The following BANK1 variants were observed in gnomAD, a reference collection of about 807,000 sequenced individuals.
BANK1 encodes B-cell scaffold protein with ankyrin repeats.
A neutral mutation model predicts 94.5 loss-of-function variants in BANK1; 95 were observed. The observed-to-expected ratio is 1.00, with a 90% CI of 0.85 to 1.19. BANK1 has a LOEUF of 1.19. BANK1 is among the 50% of genes most tolerant of loss of function. BANK1 has a pLI of 0.00. For synonymous variants in BANK1, 334 were observed against 308.4 expected (o/e 1.08, Z -0.87); for missense variants, 987 against 932.2 (o/e 1.06, Z -0.77).
chr4:101,821,047 A>G (rs1726125007), intron 1 of BANK1, among the ~76,000 whole-genome samples: 1 of 152,072 alleles, frequency 6.6e-6, no homozygotes, highest in South Asian at 2.1e-4. Context: ...CAGTGGTTGA[A>G]CTAATTTACA....
At chr4:101,964,062 G>T (rs1387650517) in intron 7 of BANK1, among the ~76,000 whole-genome samples, 1 of 152,028 alleles carries the variant, frequency 6.6e-6, no homozygotes, top group Admixed American at 6.6e-5. Flanking sequence ...CTATCATTTT[G>T]TCATCTTTAT....
At chr4:101,960,059 C>G (rs894366639) in intron 7 of BANK1, among the ~76,000 whole-genome samples, 2 of 152,044 alleles carry the variant, frequency 1.3e-5, no homozygotes, top group African/African-American at 4.8e-5. Context: ...AACATGAAGT[C>G]CAGATGAATG....
intron 1 of BANK1, among the ~76,000 whole-genome samples, chr4:101,826,128 C>T (rs1185217045): frequency 6.6e-6 from 1 of 152,040 alleles, no homozygotes; most frequent in Non-Finnish European, 1.5e-5. Flanking sequence ...ATGATATGTT[C>T]TGTTTCCTCT....
intron 3 of BANK1, among the ~76,000 whole-genome samples, chr4:101,862,297 G>A (rs1008448469): frequency 6.6e-6 from 1 of 152,042 alleles, no homozygotes; most frequent in South Asian, 2.1e-4. Context: ...GCAAAATATG[G>A]CATTAGAGGG....
chr4:101,967,570 AC>A (rs752589390), intron 7 of BANK1, among the ~76,000 whole-genome samples: 1 of 152,006 alleles, frequency 6.6e-6, no homozygotes, highest in African/African-American at 2.4e-5. Flanking sequence ...CAATAAACCC[AC>A]CAGGTCTCTG....
intron 7 of BANK1, among the ~76,000 whole-genome samples, chr4:101,989,603 C>T (rs920214088): frequency 3.3e-5 from 5 of 151,856 alleles, no homozygotes; most frequent in Non-Finnish European, 7.4e-5. Context: ...ATACATTTAG[C>T]GTCGTGTCTC....
intron 1 of BANK1, among the ~76,000 whole-genome samples, chr4:101,811,295 A>G (rs1725724145): frequency 2.0e-5 from 3 of 152,118 alleles, no homozygotes; most frequent in African/African-American, 7.2e-5. Flanking sequence ...CTTTATTTTA[A>G]TATCTTAGAA....
At chr4:101,803,871 G>A (rs1235184657) in intron 1 of BANK1, among the ~76,000 whole-genome samples, 1 of 148,326 alleles carries the variant, frequency 6.7e-6, no homozygotes, top group Admixed American at 6.7e-5. Context: ...AGTGGCGGGC[G>A]CCTGTAGTCC....
intron 13 of BANK1, among the ~76,000 whole-genome samples, chr4:102,064,104 A>C (rs920269867): frequency 2.6e-5 from 4 of 152,302 alleles, no homozygotes; most frequent in African/African-American, 9.6e-5. Context: ...CCCCCTGCAC[A>C]GATAATTAAA....
At chr4:102,060,106 G>A in intron 11 of BANK1, 105 bp from the exon 12 acceptor site, 7 of 1,010,042 alleles carry the variant, frequency 6.9e-6, no homozygotes, top group African/African-American at 1.7e-5. Context: ...ACTGCTCATA[G>A]AGAGTTAAGA....
intron 7 of BANK1, among the ~76,000 whole-genome samples, chr4:101,980,471 T>A (rs183509426): frequency 5.9e-5 from 9 of 152,010 alleles, no homozygotes; most frequent in Admixed American, 3.9e-4. Context: ...TGTTGTTCTC[T>A]TTTTCTGTTC....
At chr4:101,800,422 A>C (rs1018359758) in intron 1 of BANK1, among the ~76,000 whole-genome samples, 2 of 151,504 alleles carry the variant, frequency 1.3e-5, no homozygotes, top group Non-Finnish European at 1.5e-5. Context: ...TATTGATCTT[A>C]ATGGAGAATA....
intron 1 of BANK1, among the ~76,000 whole-genome samples, chr4:101,822,965 A>G (rs1726231630): frequency 6.6e-6 from 1 of 152,066 alleles, no homozygotes; most frequent in Non-Finnish European, 1.5e-5. Flanking sequence ...GGTTGATTGC[A>G]TGTCTTTGCT....
At chr4:101,818,314 C>G (rs1039117332) in intron 1 of BANK1, among the ~76,000 whole-genome samples, 8 of 152,070 alleles carry the variant, frequency 5.3e-5, no homozygotes, top group African/African-American at 1.9e-4. Context: ...TTTACATAGG[C>G]TAGTTGATTT....
intron 4 of BANK1, 115 bp downstream of exon 4, chr4:101,862,779 C>A: frequency 8.8e-7 from 1 of 1,142,806 alleles, no homozygotes. Context: ...GCAGGTGTTT[C>A]CTGTGTTTAG....
chr4:101,850,438 A>ATT (rs33966973), intron 2 of BANK1, among the ~76,000 whole-genome samples: 4 of 143,506 alleles, frequency 2.8e-5, no homozygotes, highest in East Asian at 2.0e-4. Context: ...CACCCAACTA[A>ATT]TTTTTTTTTT....
intron 1 of BANK1, among the ~76,000 whole-genome samples, chr4:101,824,097 C>A (rs1274612965): frequency 6.6e-6 from 1 of 152,178 alleles, no homozygotes; most frequent in Non-Finnish European, 1.5e-5. Flanking sequence ...GAACAAACCT[C>A]AGAATTGCCC....
intron 2 of BANK1, among the ~76,000 whole-genome samples, chr4:101,830,429 G>T (rs1726572829): frequency 6.6e-6 from 1 of 151,974 alleles, no homozygotes; most frequent in East Asian, 1.9e-4. Flanking sequence ...TCTAAACATG[G>T]CTTATAAATA....
At chr4:101,813,553 T>C (rs1276800751) in intron 1 of BANK1, among the ~76,000 whole-genome samples, 1 of 152,210 alleles carries the variant, frequency 6.6e-6, no homozygotes, top group East Asian at 1.9e-4. Flanking sequence ...TTCTGGAAAT[T>C]CTGATTTGAT....
Sources: allele counts gnomAD v4.1 joint callset (sites outside exome capture counted in the v4.1 genomes callset), GRCh38; gene constraint gnomAD v4.1.1; transcripts MANE v1.5; gene names NCBI Gene and HGNC (gene_info 2026-07-23, HGNC 2026-07-21).